Variants in SLC71A1 observed in about 807,000 individuals in gnomAD.
SLC71A1 encodes solute carrier family 71 member 1, also known as hippocampus abundant gene transcript 1.
At chr1:100,065,768 T>C in the SLC71A1 span, among the ~76,000 whole-genome samples, 351 of 150,906 alleles carry the variant, frequency 2.3e-3, 1 homozygote, top group African/African-American at 7.5e-3. Context: ...CCTTTTCCTT[T>C]CTCCTCCTCT....
At chr1:100,038,174 T>G in the SLC71A1 span, 1 of 1,455,690 alleles carries the variant, frequency 6.9e-7, no homozygotes, top group East Asian at 2.5e-5. Context: ...CGGCACTAGC[T>G]GCTGGGGCCT....
At chr1:100,061,943 T>C in the SLC71A1 span, 3 of 1,551,658 alleles carry the variant, frequency 1.9e-6, no homozygotes, top group East Asian at 2.2e-5. Context: ...GTATGGCTTA[T>C]GGACTGGTAT....
the SLC71A1 span, chr1:100,069,703 G>A: frequency 9.7e-6 from 15 of 1,544,414 alleles, no homozygotes; most frequent in Admixed American, 2.2e-4. Flanking sequence ...TCTTTTTTTA[G>A]TTAGAGTGAT....
the SLC71A1 span, among the ~76,000 whole-genome samples, chr1:100,046,887 A>G: frequency 6.6e-6 from 1 of 152,206 alleles, no homozygotes; most frequent in South Asian, 2.1e-4. Flanking sequence ...TGCTGTTGGC[A>G]TATAGAAATG....
the SLC71A1 span, among the ~76,000 whole-genome samples, chr1:100,039,780 A>G: frequency 2.0e-5 from 3 of 152,264 alleles, no homozygotes; most frequent in East Asian, 1.9e-4. Context: ...ATTTAAGATC[A>G]GTATTTTTTA....
At chr1:100,068,439 A>C in the SLC71A1 span, 1 of 1,402,500 alleles carries the variant, frequency 7.1e-7, no homozygotes, top group Non-Finnish European at 1.0e-6. Context: ...TTTGATAGAA[A>C]ACCTTATATC....
At chr1:100,044,323 T>C in the SLC71A1 span, among the ~76,000 whole-genome samples, 1 of 152,204 alleles carries the variant, frequency 6.6e-6, no homozygotes, top group African/African-American at 2.4e-5. Flanking sequence ...TCTTTTCATA[T>C]GTTTGTTGGC....
the SLC71A1 span, chr1:100,081,874 T>C: frequency 1.4e-6 from 1 of 702,386 alleles, no homozygotes; most frequent in Non-Finnish European, 2.4e-6. Flanking sequence ...ATGCCTTTTA[T>C]AATTATGGCT....
the SLC71A1 span, among the ~76,000 whole-genome samples, chr1:100,081,537 T>TAA: frequency 1.3e-5 from 2 of 152,032 alleles, no homozygotes; most frequent in African/African-American, 4.8e-5. Flanking sequence ...CATGACCGGC[T>TAA]AATTTTTTTT....
At chr1:100,049,664 T>G in the SLC71A1 span, among the ~76,000 whole-genome samples, 1 of 152,120 alleles carries the variant, frequency 6.6e-6, no homozygotes, top group African/African-American at 2.4e-5. Flanking sequence ...ATTTCCCACC[T>G]CCCAAGCTCC....
the SLC71A1 span, among the ~76,000 whole-genome samples, chr1:100,071,289 C>CAAAAAAAAAAAAAAAAAAAAAA: frequency 2.2e-4 from 12 of 53,388 alleles, 1 homozygote; most frequent in African/African-American, 3.8e-4. Flanking sequence ...CCATCTCTAC[C>CAAAAAAAAAAAAAAAAAAAAAA]AAAAAAAAAA....
chr1:100,073,721 A>G, the SLC71A1 span, among the ~76,000 whole-genome samples: 1 of 152,254 alleles, frequency 6.6e-6, no homozygotes, highest in Non-Finnish European at 1.5e-5. Context: ...CAGGCCAAGA[A>G]TAAGAGTTGG....
chr1:100,059,144 G>GTTT, the SLC71A1 span, among the ~76,000 whole-genome samples: 419 of 75,408 alleles, frequency 5.6e-3, 65 homozygotes, highest in African/African-American at 0.017. Context: ...TCTTTTTCGT[G>GTTT]TTTTTTTTTT....
chr1:100,063,036 C>G, the SLC71A1 span, among the ~76,000 whole-genome samples: 3 of 151,540 alleles, frequency 2.0e-5, no homozygotes, highest in Non-Finnish European at 4.4e-5. Context: ...TCTAATTAAG[C>G]TATAGTTTAC....
At chr1:100,055,900 C>A in the SLC71A1 span, among the ~76,000 whole-genome samples, 7 of 151,824 alleles carry the variant, frequency 4.6e-5, no homozygotes, top group Admixed American at 4.6e-4. Flanking sequence ...CTACAGGCAC[C>A]TGCCACCATA....
At chr1:100,048,614 T>TG in the SLC71A1 span, among the ~76,000 whole-genome samples, 17 of 152,250 alleles carry the variant, frequency 1.1e-4, no homozygotes, top group Admixed American at 2.6e-4. Flanking sequence ...ATTTTCTTAC[T>TG]GTTCCTTTTA....
At chr1:100,045,326 T>C in the SLC71A1 span, among the ~76,000 whole-genome samples, 33,481 of 152,140 alleles carry the variant, frequency 0.22, 5,085 homozygotes, top group African/African-American at 0.43. Context: ...AGCAGTGCTA[T>C]TGATTTGTGT....
chr1:100,082,285 T>C, the SLC71A1 span: 1 of 1,110,154 alleles, frequency 9.0e-7, no homozygotes, highest in South Asian at 1.3e-5. Context: ...GTACATTCCA[T>C]TTCCATCCAC....
the SLC71A1 span, among the ~76,000 whole-genome samples, chr1:100,067,680 G>A: frequency 6.6e-6 from 1 of 152,080 alleles, no homozygotes; most frequent in African/African-American, 2.4e-5. Flanking sequence ...GGGCGTGGTG[G>A]TGTGTGCCTG....
Sources: gnomAD v4.1 joint callset for allele counts (sites outside exome capture counted in the v4.1 genomes callset) on GRCh38, gnomAD v4.1.1 for gene constraint, MANE v1.5 for transcripts, NCBI Gene and HGNC (gene_info 2026-07-23, HGNC 2026-07-21) for gene names.